CTNNA2: variants seen among roughly 807,000 people sequenced by gnomAD.
CTNNA2 encodes catenin alpha-2.
A neutral mutation model predicts 101.0 loss-of-function variants in CTNNA2; 42 were observed. The ratio of observed to expected loss-of-function variants is 0.42; its 90% CI spans 0.32 to 0.54. The LOEUF is 0.54. Among genes scored for constraint, CTNNA2 ranks in the 20% least tolerant of loss-of-function variants. The pLI, the probability that CTNNA2 is intolerant of heterozygous loss-of-function variation, is 0.14. For synonymous variants in CTNNA2, 450 were observed against 456.4 expected, an observed-to-expected ratio of 0.99 and a Z score of 0.18; for missense variants, 871 against 1,223.1, an observed-to-expected ratio of 0.71 and a Z score of 4.29.
At chr2:79,835,666 G>GTTTTTTGTTTTTTT (rs1679276639) in intron 3 of CTNNA2, among the ~76,000 whole-genome samples, 23 of 58,634 alleles carry the variant, frequency 3.9e-4, no homozygotes, top group African/African-American at 1.6e-3. Context: ...GCCTCTCTTT[G>GTTTTTTGTTTTTTT]TTTTTTTTTT....
chr2:79,550,532 G>T lies in CTNNA2; in HGVS notation c.-6+37325G>T, dbSNP rs571478674. On this transcript the variant is annotated intron_variant, in intron 1 of 18. Transcript: ENST00000402739. ...CCGAATTGCAATGGCAGAATGTTAT[G>T]AAATAAAAGTAAAGAAATATTGTAG... Among the ~76,000 whole-genome samples, 3 of 152,246 alleles carry T rather than the reference G, an allele frequency of 2.0e-5. No homozygotes were observed. In the East Asian group the frequency reaches 5.8e-4, roughly 29 times the overall value.
chr2:79,954,464 C>T (rs1305050604), intron 7 of CTNNA2, among the ~76,000 whole-genome samples: 1 of 152,178 alleles, frequency 6.6e-6, no homozygotes, highest in African/African-American at 2.4e-5. Flanking sequence ...TTTCATTTCT[C>T]TGTGTTACAG....
chr2:80,595,195 T>C (rs1270593363), intron 15 of CTNNA2, among the ~76,000 whole-genome samples: 1 of 152,190 alleles, frequency 6.6e-6, no homozygotes, highest in Non-Finnish European at 1.5e-5. Flanking sequence ...AGCATGCAAG[T>C]CTTCTGACTC....
At chr2:79,897,500 A>G (rs1387998424) in intron 6 of CTNNA2, among the ~76,000 whole-genome samples, 1 of 152,196 alleles carries the variant, frequency 6.6e-6, no homozygotes, top group Non-Finnish European at 1.5e-5. Flanking sequence ...CATTTCATAT[A>G]TTGTTCAAAT....
chr2:79,187,235 TTTTTCTTTTC>T (rs772642908), intron 1 of CTNNA2, among the ~76,000 whole-genome samples: 1,366 of 122,730 alleles, frequency 0.011, 26 homozygotes, highest in South Asian at 0.018. Context: ...AAGACACTTC[TTTTTCTTTTC>T]TTTTCTTTTC....
intron 2 of CTNNA2, among the ~76,000 whole-genome samples, chr2:79,707,955 T>G (rs1476493808): frequency 6.6e-6 from 1 of 152,222 alleles, no homozygotes; most frequent in African/African-American, 2.4e-5. Context: ...TTTGGAGGTT[T>G]ACCATGTCAA....
chr2:79,355,192 G>A (rs1328669540), intron 3 of CTNNA2, among the ~76,000 whole-genome samples: 1 of 152,066 alleles, frequency 6.6e-6, no homozygotes, highest in African/African-American at 2.4e-5. Flanking sequence ...TTTTGCTTAA[G>A]GTTGGTTTGG....
At chr2:79,592,278 G>A (rs771207395) in intron 1 of CTNNA2, among the ~76,000 whole-genome samples, 1 of 151,500 alleles carries the variant, frequency 6.6e-6, no homozygotes, top group Non-Finnish European at 1.5e-5. Context: ...CCAACACCAC[G>A]CCCAGCTAAT....
At chr2:79,312,059 T>G (rs187811980) in intron 2 of CTNNA2, among the ~76,000 whole-genome samples, 4 of 151,090 alleles carry the variant, frequency 2.6e-5, no homozygotes, top group Admixed American at 6.6e-5. Context: ...CATGCTACCA[T>G]GCATGGCTGT....
intron 6 of CTNNA2, among the ~76,000 whole-genome samples, chr2:79,898,572 C>T (rs1033744872): frequency 6.6e-6 from 1 of 152,088 alleles, no homozygotes; most frequent in Non-Finnish European, 1.5e-5. Flanking sequence ...CTAACCTGAC[C>T]GAGGAACGGT....
chr2:79,674,246 T>A (rs1473218660), intron 2 of CTNNA2, among the ~76,000 whole-genome samples: 1 of 152,212 alleles, frequency 6.6e-6, no homozygotes, highest in Non-Finnish European at 1.5e-5. Flanking sequence ...TAGAGAAAGC[T>A]TCTTAAAGCA....
intron 2 of CTNNA2, among the ~76,000 whole-genome samples, chr2:79,685,336 T>C (rs1683860942): frequency 6.6e-6 from 1 of 152,200 alleles, no homozygotes; most frequent in South Asian, 2.1e-4. Context: ...ATAAGTATCC[T>C]TGAAGAAGTG....
intron 7 of CTNNA2, among the ~76,000 whole-genome samples, chr2:80,153,535 C>T (rs1471177957): frequency 1.3e-5 from 2 of 152,120 alleles, no homozygotes; most frequent in Admixed American, 6.5e-5. Context: ...AAATAATAAC[C>T]GCCTGTTTTC....
At chr2:79,539,718 A>C (rs1487908400) in intron 1 of CTNNA2, among the ~76,000 whole-genome samples, 1 of 152,130 alleles carries the variant, frequency 6.6e-6, no homozygotes, top group Non-Finnish European at 1.5e-5. Context: ...CAAGCCTGTC[A>C]GTGTTTGAAA....
intron 7 of CTNNA2, among the ~76,000 whole-genome samples, chr2:80,007,103 T>A (rs1369598567): frequency 6.6e-6 from 1 of 152,198 alleles, no homozygotes; most frequent in Non-Finnish European, 1.5e-5. Flanking sequence ...TTTGGAAGCC[T>A]GAATTCATAT....
intron 2 of CTNNA2, among the ~76,000 whole-genome samples, chr2:79,690,671 A>G (rs1684230907): frequency 6.6e-6 from 1 of 151,966 alleles, no homozygotes; most frequent in Admixed American, 6.6e-5. Context: ...TGAGAAAGGA[A>G]AGCCCAGAGA....
intron 7 of CTNNA2, among the ~76,000 whole-genome samples, chr2:80,250,638 G>C (rs189051024): frequency 6.6e-6 from 1 of 152,120 alleles, no homozygotes; most frequent in Non-Finnish European, 1.5e-5. Flanking sequence ...TGGGCCAGTG[G>C]AGAGGTTAGT....
chr2:80,113,461 TA>T (rs1701336545), intron 7 of CTNNA2, among the ~76,000 whole-genome samples: 1 of 152,248 alleles, frequency 6.6e-6, no homozygotes, highest in Non-Finnish European at 1.5e-5. Context: ...CATGAGTCTG[TA>T]GTCCATAGAT....
chr2:80,419,631 T>C, intron 9 of CTNNA2, 30 bp downstream of exon 9: 1 of 1,610,764 alleles, frequency 6.2e-7, no homozygotes, highest in Non-Finnish European at 8.5e-7. Context: ...AAGACTAGAG[T>C]TTACCGATGG....
Sources: gnomAD v4.1 joint callset for allele counts (sites outside exome capture counted in the v4.1 genomes callset) on GRCh38, gnomAD v4.1.1 for gene constraint, MANE v1.5 for transcripts, NCBI Gene and HGNC (gene_info 2026-07-23, HGNC 2026-07-21) for gene names.